Variants in TENM2 observed in about 807,000 individuals in gnomAD.
TENM2 encodes the protein teneurin-2.
TENM2 carries 52 observed loss-of-function variants against 245.2 expected under a neutral mutation model. The ratio of observed to expected loss-of-function variants is 0.21; its 90% CI spans 0.17 to 0.27. The LOEUF is 0.27. Ranked by LOEUF, TENM2 falls within the 10% of genes least tolerant of loss-of-function variation. The probability of loss-of-function intolerance (pLI) is 1.00; values close to 1 mark genes in which losing one functional copy is unlikely to be tolerated. For missense variants in TENM2, 3,046 were observed against 3,666.8 expected (o/e 0.83, Z 4.37); for synonymous variants, 1,363 against 1,438.9 (o/e 0.95, Z 1.19).
At chr5:167,652,716 A>G (rs980582229) in intron 2 of TENM2, among the ~76,000 whole-genome samples, 44 of 152,066 alleles carry the variant, frequency 2.9e-4, no homozygotes, top group African/African-American at 1.1e-3. Context: ...CTTTCTATGT[A>G]TGCCTTTATT....
the TENM2 span, among the ~76,000 whole-genome samples, chr5:167,107,666 T>A: frequency 6.6e-6 from 1 of 152,214 alleles, no homozygotes; most frequent in African/African-American, 2.4e-5. Flanking sequence ...AAGGTTTGCA[T>A]AAATTATCTC....
chr5:167,119,391 C>T, the TENM2 span: 3 of 152,074 alleles, frequency 2.0e-5, no homozygotes, highest in Non-Finnish European at 2.9e-5. Flanking sequence ...ACTAGTAATC[C>T]GCATTTAGTC....
chr5:167,043,489 G>GA, the TENM2 span, among the ~76,000 whole-genome samples: 3 of 152,056 alleles, frequency 2.0e-5, no homozygotes, highest in Non-Finnish European at 4.4e-5. Flanking sequence ...CATTTAAGGT[G>GA]AAAAAATAAA....
chr5:167,015,702 C>T, the TENM2 span, among the ~76,000 whole-genome samples: 5 of 152,008 alleles, frequency 3.3e-5, no homozygotes, highest in Admixed American at 3.3e-4. Flanking sequence ...GTAAGGATAC[C>T]AACATTAACC....
intron 7 of TENM2, among the ~76,000 whole-genome samples, chr5:168,067,564 A>T (rs1255333195): frequency 6.6e-6 from 1 of 152,158 alleles, no homozygotes; most frequent in Non-Finnish European, 1.5e-5. Context: ...GTTCAGGTTT[A>T]TTCCTTTTCA....
chr5:167,383,068 A>C (rs765707446), intron 2 of TENM2, among the ~76,000 whole-genome samples: 10 of 152,062 alleles, frequency 6.6e-5, no homozygotes, highest in Non-Finnish European at 1.2e-4. Flanking sequence ...ATTGCTCTGC[A>C]TTGGACGAAG....
At chr5:167,672,158 A>G (rs1001568663) in intron 2 of TENM2, among the ~76,000 whole-genome samples, 1 of 152,062 alleles carries the variant, frequency 6.6e-6, no homozygotes, top group African/African-American at 2.4e-5. Flanking sequence ...ACTGGTAACT[A>G]GGGCATCAAC....
chr5:167,729,157 A>G (rs1288370349), intron 2 of TENM2: 2 of 152,142 alleles, frequency 1.3e-5, no homozygotes, highest in African/African-American at 4.8e-5. Context: ...GCTTTGTAAT[A>G]TTCCTAGGAG....
At chr5:167,378,328 C>A (rs1760887023) in intron 2 of TENM2, among the ~76,000 whole-genome samples, 1 of 151,422 alleles carries the variant, frequency 6.6e-6, no homozygotes, top group Admixed American at 6.6e-5. Flanking sequence ...CATTGGATAA[C>A]TTGACAGTCC....
At chr5:167,163,434 T>C in the TENM2 span, among the ~76,000 whole-genome samples, 1 of 152,210 alleles carries the variant, frequency 6.6e-6, no homozygotes, top group Non-Finnish European at 1.5e-5. Context: ...TCTTCTCGGA[T>C]ACAGTGAGAA....
chr5:167,195,796 A>C, the TENM2 span, among the ~76,000 whole-genome samples: 1 of 151,992 alleles, frequency 6.6e-6, no homozygotes, highest in Non-Finnish European at 1.5e-5. Context: ...TAAATAATAA[A>C]TTTAATTTCA....
chr5:167,242,747 G>A, the TENM2 span, among the ~76,000 whole-genome samples: 14 of 152,084 alleles, frequency 9.2e-5, no homozygotes, highest in East Asian at 1.9e-3. Context: ...CATTAGCTAC[G>A]TTACTGGCAA....
At chr5:167,362,507 G>A (rs1759778315) in intron 1 of TENM2, among the ~76,000 whole-genome samples, 1 of 152,160 alleles carries the variant, frequency 6.6e-6, no homozygotes, top group Non-Finnish European at 1.5e-5. Context: ...GAATGTAGAT[G>A]AGTTAATTAA....
intron 2 of TENM2, among the ~76,000 whole-genome samples, chr5:167,734,343 A>C (rs1760649018): frequency 6.6e-6 from 1 of 152,060 alleles, no homozygotes; most frequent in African/African-American, 2.4e-5. Context: ...CTTTTAAAAA[A>C]TAATATGAGA....
chr5:168,228,559 G>A (rs2152613451), intron 25 of TENM2, among the ~76,000 whole-genome samples: 1 of 152,306 alleles, frequency 6.6e-6, no homozygotes, highest in South Asian at 2.1e-4. Flanking sequence ...TGAGTAATTT[G>A]CTAAGTGCTG....
At chr5:167,116,847 T>C in the TENM2 span, among the ~76,000 whole-genome samples, 1 of 152,222 alleles carries the variant, frequency 6.6e-6, no homozygotes. Context: ...TTTCACAACA[T>C]GTGTCTGGGA....
the TENM2 span, among the ~76,000 whole-genome samples, chr5:167,016,951 G>A: frequency 9.2e-5 from 14 of 152,268 alleles, no homozygotes; most frequent in Admixed American, 3.3e-4. Context: ...ATTGCAAATC[G>A]CATCAGTCAT....
intron 27 of TENM2, among the ~76,000 whole-genome samples, chr5:168,251,396 T>C (rs1189071145): frequency 6.6e-6 from 1 of 152,154 alleles, no homozygotes; most frequent in Non-Finnish European, 1.5e-5. Flanking sequence ...TCAAATCAAG[T>C]TGAACTAAGT....
chr5:167,075,815 T>C, the TENM2 span, among the ~76,000 whole-genome samples: 1 of 152,162 alleles, frequency 6.6e-6, no homozygotes, highest in Non-Finnish European at 1.5e-5. Flanking sequence ...TACATTTCAT[T>C]GAACCTGTTT....
Sources: allele counts gnomAD v4.1 joint callset (sites outside exome capture counted in the v4.1 genomes callset), GRCh38; gene constraint gnomAD v4.1.1; transcripts MANE v1.5; gene names NCBI Gene and HGNC (gene_info 2026-07-23, HGNC 2026-07-21).